Variants in NPIPB2 observed in about 807,000 individuals in gnomAD.
NPIPB2 encodes nuclear pore complex interacting protein family member B2, also known as nuclear pore complex-interacting protein family member B2.
A neutral mutation model predicts 30.8 loss-of-function variants in NPIPB2; 27 were observed. The observed-to-expected ratio is 0.88, with a 90% confidence interval of 0.65 to 1.21. NPIPB2 has a LOEUF of 1.21. Ranked by LOEUF, NPIPB2 falls within the 50% of genes most tolerant of loss-of-function variation. The probability of loss-of-function intolerance (pLI) is 0.00; values close to 1 mark genes in which losing one functional copy is unlikely to be tolerated. For synonymous variants in NPIPB2, 147 were observed against 162.0 expected, an observed-to-expected ratio of 0.91 and a Z score of 0.70; for missense variants, 440 against 446.2, an observed-to-expected ratio of 0.99 and a Z score of 0.13.
At chr16:11,947,147 T>C (rs2055019018) in intron 1 of NPIPB2, among the ~76,000 whole-genome samples, 3 of 146,922 alleles carry the variant, frequency 2.0e-5, no homozygotes. Flanking sequence ...TCTGATGGAG[T>C]CTCACTATGA....
chr16:11,964,130 A>G (rs1452529287), intron 1 of NPIPB2: 2 of 152,180 alleles, frequency 1.3e-5, no homozygotes, highest in Non-Finnish European at 2.9e-5. Flanking sequence ...TCGGTGAAAC[A>G]AAAGACATCG....
intron 1 of NPIPB2, among the ~76,000 whole-genome samples, chr16:11,972,812 C>T (rs2055243893): frequency 6.1e-5 from 9 of 148,216 alleles, no homozygotes; most frequent in Non-Finnish European, 1.5e-5. Flanking sequence ...TGCAGTGAGC[C>T]GAGATCACGC....
chr16:11,949,813 AC>A (rs2055046674), intron 1 of NPIPB2, among the ~76,000 whole-genome samples: 1 of 152,134 alleles, frequency 6.6e-6, no homozygotes, highest in Non-Finnish European at 1.5e-5. Context: ...ATTGGGTGTC[AC>A]CTTTGAGTCA....
chr16:11,960,906 G>C (rs1157520376), intron 1 of NPIPB2, among the ~76,000 whole-genome samples: 2 of 149,088 alleles, frequency 1.3e-5, no homozygotes, highest in African/African-American at 5.0e-5. Context: ...TCACTCCGTA[G>C]CCCAGACTGC....
chr16:11,950,013 ATTTG>A (rs2055048696), intron 1 of NPIPB2, among the ~76,000 whole-genome samples: 1 of 152,038 alleles, frequency 6.6e-6, no homozygotes, highest in Admixed American at 6.6e-5. Context: ...TAAGCCTTGA[ATTTG>A]TTTTTTAATT....
At chr16:11,936,911 A>G (rs1384251238) in intron 2 of NPIPB2, among the ~76,000 whole-genome samples, 2 of 151,534 alleles carry the variant, frequency 1.3e-5, no homozygotes, top group African/African-American at 4.8e-5. Context: ...CCTCGTCCCT[A>G]TGACCTCAGA....
chr16:11,930,409 G>C, intron 5 of NPIPB2, 41 bp downstream of exon 5: 1 of 1,506,978 alleles, frequency 6.6e-7, no homozygotes, highest in Non-Finnish European at 8.9e-7. Context: ...ACACTCCAAT[G>C]GGCGTTTCCC....
At chr16:11,940,755 G>T (rs2150918077) in intron 1 of NPIPB2, among the ~76,000 whole-genome samples, 3 of 65,670 alleles carry the variant, frequency 4.6e-5, no homozygotes, top group South Asian at 1.2e-3. Flanking sequence ...GTGAGACTCT[G>T]TCTAAAAAAA....
chr16:11,947,040 T>TTATATATATATATA (rs57486204), upstream of NPIPB2, among the ~76,000 whole-genome samples: 72 of 139,808 alleles, frequency 5.1e-4, no homozygotes, highest in East Asian at 1.4e-3. Context: ...ACTATTTGAA[T>TTATATATATATATA]TATATATATA....
intron 1 of NPIPB2, chr16:11,968,414 T>G (rs1480890015): frequency 6.5e-6 from 1 of 152,708 alleles, no homozygotes; most frequent in South Asian, 2.1e-4. Flanking sequence ...GAGGTGGAGG[T>G]TGCAATGAGC....
chr16:11,967,982 A>G, intron 1 of NPIPB2: 2 of 958,976 alleles, frequency 2.1e-6, no homozygotes, highest in South Asian at 1.8e-5. Context: ...GAAACTCTTT[A>G]TGTTAGATAT....
intron 1 of NPIPB2, among the ~76,000 whole-genome samples, chr16:11,971,951 CA>C (rs1346510105): frequency 6.6e-6 from 1 of 151,630 alleles, no homozygotes; most frequent in Non-Finnish European, 1.5e-5. Context: ...TTGAGACCAG[CA>C]TCGCCAACAT....
chr16:11,933,656 T>C, exon 4 of NPIPB2: 1 of 1,596,906 alleles, frequency 6.3e-7, no homozygotes, highest in Non-Finnish European at 8.5e-7. Context: ...AGGCCAATTT[T>C]ATTTCCTGGA....
chr16:11,937,139 G>A (rs1459710230), intron 2 of NPIPB2, among the ~76,000 whole-genome samples: 1 of 152,016 alleles, frequency 6.6e-6, no homozygotes, highest in Admixed American at 6.6e-5. Flanking sequence ...TTCCTGTTAA[G>A]CTGTCTTTTC....
chr16:11,972,711 A>T (rs1211287185), intron 1 of NPIPB2, among the ~76,000 whole-genome samples: 1 of 151,764 alleles, frequency 6.6e-6, no homozygotes, highest in Non-Finnish European at 1.5e-5. Flanking sequence ...CGTCTCTACT[A>T]GAATTAGCTG....
chr16:11,927,517 G>C lies in NPIPB2; in HGVS notation c.1050C>G (p.Pro350=), dbSNP rs748481990. The change falls in exon 8 of 8, where the codon CCC becomes CCG. Residue 350 remains proline, a synonymous_variant. Coordinates refer to ENST00000399147, the Ensembl canonical transcript of NPIPB2. ...CAGCGGCCCTCCGCCTCTTGGGTTC[G>C]GGTGGTGATTCCATCTCAGCCGCTC... 4 of 1,541,230 alleles carry C rather than the reference G, an allele frequency of 2.6e-6. No individual in the cohort carries two copies. The East Asian group carries it at 9.2e-5, about 35-fold the overall frequency.
chr16:11,967,220 TCA>T, intron 1 of NPIPB2: 3 of 223,500 alleles, frequency 1.3e-5, no homozygotes, highest in South Asian at 7.6e-5. Context: ...CAGGATGGTC[TCA>T]AGCTCCTGAC....
chr16:11,954,843 G>A (rs2055096987), intron 1 of NPIPB2, among the ~76,000 whole-genome samples: 1 of 151,278 alleles, frequency 6.6e-6, no homozygotes, highest in Non-Finnish European at 1.5e-5. Context: ...GGGAGGCAGA[G>A]CTTGCAGTGA....
At chr16:11,952,170 C>CA (rs1391353950) in intron 1 of NPIPB2, among the ~76,000 whole-genome samples, 20 of 9,570 alleles carry the variant, frequency 2.1e-3, no homozygotes, top group Admixed American at 7.0e-3. Context: ...AAAACAAAAA[C>CA]AAAACAAAAA....
Sources: allele counts gnomAD v4.1 joint callset (sites outside exome capture counted in the v4.1 genomes callset), GRCh38; gene constraint gnomAD v4.1.1; transcripts MANE v1.5; gene names NCBI Gene and HGNC (gene_info 2026-07-23, HGNC 2026-07-21).